SLC30A10: variants seen among roughly 807,000 people sequenced by gnomAD.
The protein encoded by SLC30A10 is solute carrier family 30 member 10, also known as calcium/manganese antiporter SLC30A10.
In SLC30A10, 8 loss-of-function variants were observed where a neutral mutation model predicts 21.7. The ratio of observed to expected loss-of-function variants is 0.37; its 90% CI spans 0.22 to 0.67. The LOEUF is 0.67. Among genes scored for constraint, SLC30A10 ranks in the 30% least tolerant of loss-of-function variants. The pLI is 0.58. For missense variants in SLC30A10, 521 were observed against 642.5 expected, an observed-to-expected ratio of 0.81 and a Z score of 2.04; for synonymous variants, 272 against 279.4, an observed-to-expected ratio of 0.97 and a Z score of 0.26.
chr1:219,918,630 G>A lies in SLC30A10; in HGVS notation c.719-136C>T. On this transcript the variant is annotated intron_variant, in intron 2 of 3. Transcript: ENST00000366926. The surrounding 1 kb of genome is among the most constrained non-coding windows in gnomAD (Gnocchi z 4.4). ...GGTTTTTGTTTTGGTTAGAACAGTA[G>A]GATGAATCAAAATAATGGCAACTAC... 1 of 1,105,036 alleles carries A rather than the reference G, an allele frequency of 9.0e-7. No homozygotes were observed. Among genetic ancestry groups the A allele is most frequent in the Non-Finnish European group, 1.2e-6 (1 of 804,138 alleles). 68.5% of individuals were successfully genotyped at this position (1,105,036 alleles called of 1,614,324 possible).
At chr1:219,954,297 C>G (rs1660314051) in intron 1 of SLC30A10, among the ~76,000 whole-genome samples, 1 of 152,004 alleles carries the variant, frequency 6.6e-6, no homozygotes, top group African/African-American at 2.4e-5. Context: ...GTCACTGCCT[C>G]TAGCGAGTTG....
chr1:219,920,236 C>A (rs748145164), intron 2 of SLC30A10, among the ~76,000 whole-genome samples: 17 of 152,166 alleles, frequency 1.1e-4, no homozygotes, highest in Non-Finnish European at 2.2e-4. Context: ...CACCCCACCC[C>A]CAAAGGAGCT....
At chr1:219,949,433 AATG>A (rs1346091379) in intron 1 of SLC30A10, among the ~76,000 whole-genome samples, 2 of 152,248 alleles carry the variant, frequency 1.3e-5, no homozygotes, top group African/African-American at 2.4e-5. Context: ...AGCCATAAAA[AATG>A]ATGAGTTCAT....
In SLC30A10 at chr1:219,918,344, A is replaced by C. The variant is rs1314847684; in HGVS notation, c.869T>G (p.Ile290Ser). 1.9e-6 allele frequency: 3 copies of C among 1,614,176 alleles called. No homozygotes were observed. The highest frequency in any genetic ancestry group is 2.5e-6 in the Non-Finnish European group (3 of 1,180,044). Residue 290 changes from isoleucine (I) to serine (S), a missense_variant, in exon 3 of 4, where the codon ATC becomes AGC. Ile to Ser is a moderately radical substitution (Grantham distance 142). Transcript: ENST00000366926. The surrounding 1 kb of genome is among the most constrained non-coding windows in gnomAD (Gnocchi z 4.4). ...DPSLTVLMVI[I>S]ILSSAFPLIK... ...AAGCGGGAAGGCAGATGACAAAATG[A>C]TGATGACCATGAGGACAGTCAGGCT...
rs1659520085 is a variant in SLC30A10 at position 219,915,695 on chromosome 1, G to A, written c.1212C>T (p.Cys404=). 2.5e-6 allele frequency: 4 copies of A among 1,614,258 alleles called. No individual in the cohort carries two copies. Among genetic ancestry groups the A allele is most frequent in the Non-Finnish European group, 3.4e-6 (4 of 1,180,052 alleles). The stretch of plus-strand genomic sequence containing the variant: ...GCTGCTTAGCACAGCCCTTGGAGAT[G>A]CAGGGTGAGTTGCAGAGCAACAGTA... ...KDLLLLCNSP[C]ISKGCAKQLC... Residue 404 remains cysteine, a synonymous_variant, in exon 4 of 4, where the codon TGC becomes TGT. Transcript: ENST00000366926.
At chr1:219,948,841 G>A (rs971403940) in intron 1 of SLC30A10, among the ~76,000 whole-genome samples, 13 of 151,980 alleles carry the variant, frequency 8.6e-5, no homozygotes, top group Admixed American at 7.2e-4. Flanking sequence ...CAAAATGGGA[G>A]AAAATTTTCG....
chr1:219,941,505 C>A (rs540035127), intron 1 of SLC30A10, among the ~76,000 whole-genome samples: 1 of 148,676 alleles, frequency 6.7e-6, no homozygotes, highest in South Asian at 2.2e-4. Flanking sequence ...TCCTCCCTCC[C>A]TTCCTCTCTG....
At chr1:219,916,243 G>A (rs966416873) in intron 3 of SLC30A10, among the ~76,000 whole-genome samples, 2 of 152,208 alleles carry the variant, frequency 1.3e-5, no homozygotes, top group African/African-American at 4.8e-5. Context: ...ACTTCCCATA[G>A]TAGGATAAAG....
At chr1:219,948,300 C>T (rs1310614765) in intron 1 of SLC30A10, among the ~76,000 whole-genome samples, 2 of 151,386 alleles carry the variant, frequency 1.3e-5, no homozygotes, top group Admixed American at 6.6e-5. Flanking sequence ...GCCCGCATCG[C>T]CAAGTCAATC....
At position 219,928,203 on chromosome 1, in the gene SLC30A10, C is replaced by G. The variant is rs1201935408; in HGVS notation, c.238G>C (p.Val80Leu). The G allele has an allele frequency of 6.4e-7, 1 of 1,561,152 alleles. No individual in the cohort carries two copies. Reference protein sequence around the residue: ...ATYGYARAEVVGALSNAVFLT... With the variant: ...ATYGYARAEVLGALSNAVFLT... The stretch of plus-strand genomic sequence containing the variant: ...AAGACCGCGTTGCTCAGCGCGCCCA[C>G]CACCTCGGCGCGGGCGTAGCCGTAG... Residue 80 changes from valine to leucine, a missense_variant, in exon 1 of 4, where the codon GTG becomes CTG. Transcript: ENST00000366926. This position sits in a 1 kb window ranked among gnomAD's most constrained non-coding sequence, Gnocchi z 6.3.
upstream of SLC30A10, among the ~76,000 whole-genome samples, chr1:219,929,797 C>G (rs959150421): frequency 2.0e-5 from 3 of 152,208 alleles, no homozygotes; most frequent in Non-Finnish European, 4.4e-5. Context: ...GCTGGGATTA[C>G]AGGCGTGAGC....
chr1:219,918,200 G>A lies in SLC30A10; in HGVS notation c.958+55C>T. ...TGCTCTTAAATAATGCTTGTCCTTT[G>A]GCCTGAATAACATTAAATTGAGAGT... is the stretch of plus-strand genomic sequence containing the variant. On this transcript the variant is annotated intron_variant, in intron 3 of 3. Transcript: ENST00000366926. This position sits in a 1 kb window ranked among gnomAD's most constrained non-coding sequence, Gnocchi z 4.4. 1 of 1,587,696 alleles carries A rather than the reference G, an allele frequency of 6.3e-7. No individual in the cohort carries two copies. Among genetic ancestry groups the A allele is most frequent in the Non-Finnish European group, 8.6e-7 (1 of 1,166,304 alleles).
chr1:219,930,574 C>T (rs570179043), upstream of SLC30A10, among the ~76,000 whole-genome samples: 23 of 152,266 alleles, frequency 1.5e-4, 1 homozygote, highest in South Asian at 4.8e-3. Flanking sequence ...TTCTGAGGTC[C>T]ATAACAGCCA....
At position 219,947,265 on chromosome 1, in the gene SLC30A10, A is replaced by C. The variant is rs550427623; in HGVS notation, n.80+11303T>G. ...CTACATCCTCAGGGTGCAATGGCTC[A>C]TGCCTGTGATCCTAGGATTTTGCGA... On this transcript the variant is annotated intron_variant and non_coding_transcript_variant, in intron 1 of 8. Coordinates refer to the SLC30A10 transcript ENST00000484239. Among the ~76,000 whole-genome samples the C allele has an allele frequency of 4.6e-5, 7 of 152,330 alleles. No individual in the cohort carries two copies. The East Asian group carries it at 1.3e-3, about 29-fold the overall frequency.
At chr1:219,920,298 T>A (rs1659647792) in intron 2 of SLC30A10, among the ~76,000 whole-genome samples, 1 of 152,176 alleles carries the variant, frequency 6.6e-6, no homozygotes, top group African/African-American at 2.4e-5. Context: ...TCAAAAATAC[T>A]TTGTTCCTCT....
Position 219,928,515 on chromosome 1 carries a change from G to T in SLC30A10, c.-75C>A. The T allele has an allele frequency of 7.4e-7, 1 of 1,344,356 alleles. No individual in the cohort carries two copies. The highest frequency in any genetic ancestry group is 9.7e-7 in the Non-Finnish European group (1 of 1,033,354). 83.3% of individuals were successfully genotyped at this position (1,344,356 alleles called of 1,614,324 possible). A position where few individuals can be genotyped will look rare whatever the true frequency, so the allele number is the denominator to read the frequency against. On this transcript the variant is annotated 5_prime_UTR_variant, in exon 1 of 4. Transcript: ENST00000366926. The surrounding 1 kb of genome is among the most constrained non-coding windows in gnomAD (Gnocchi z 6.3). ...CCCCGCGCGCAGCCACAGGTGGGGGGCGCGGCGCGGATCCGTGAGGCCCGG... is the reference window on the plus strand; with the variant it reads ...CCCCGCGCGCAGCCACAGGTGGGGGTCGCGGCGCGGATCCGTGAGGCCCGG...
chr1:219,937,535 C>T (rs1231985752), intron 1 of SLC30A10, among the ~76,000 whole-genome samples: 1 of 152,200 alleles, frequency 6.6e-6, no homozygotes, highest in Non-Finnish European at 1.5e-5. Flanking sequence ...CTTGATGAGG[C>T]CAGGCACAGT....
At chr1:219,945,202 C>G (rs1324590439) in intron 1 of SLC30A10, among the ~76,000 whole-genome samples, 1 of 152,078 alleles carries the variant, frequency 6.6e-6, no homozygotes, top group African/African-American at 2.4e-5. Flanking sequence ...GCTATGACTA[C>G]TAAAGGGTAC....
At chr1:219,922,097 A>G (rs1659697299) in intron 2 of SLC30A10, among the ~76,000 whole-genome samples, 1 of 147,274 alleles carries the variant, frequency 6.8e-6, no homozygotes, top group South Asian at 2.2e-4. Flanking sequence ...AGGACTACAG[A>G]TGTGTGCCAC....
Sources: allele counts gnomAD v4.1 joint callset (sites outside exome capture counted in the v4.1 genomes callset), GRCh38; gene constraint gnomAD v4.1.1; non-coding constraint Gnocchi (gnomAD v3.1); transcripts MANE v1.5; gene names NCBI Gene and HGNC (gene_info 2026-07-23, HGNC 2026-07-21).